DPP10: variants seen among roughly 807,000 people sequenced by gnomAD.
DPP10 encodes inactive dipeptidyl peptidase 10.
A neutral mutation model predicts 120.9 loss-of-function variants in DPP10; 33 were observed. That is an observed-to-expected ratio of 0.27 (90% CI 0.21 to 0.37). The LOEUF (loss-of-function observed/expected upper bound fraction) is 0.37, where lower values mean the gene tolerates loss of function less well. DPP10 is among the 10% of genes least tolerant of loss of function. The pLI is 1.00. For missense variants in DPP10, 816 were observed against 942.8 expected, an observed-to-expected ratio of 0.87 and a Z score of 1.76; for synonymous variants, 337 against 326.1, an observed-to-expected ratio of 1.03 and a Z score of -0.36.
At chr2:114,901,728 C>T (rs1693589222) in intron 1 of DPP10, among the ~76,000 whole-genome samples, 1 of 152,076 alleles carries the variant, frequency 6.6e-6, no homozygotes, top group Non-Finnish European at 1.5e-5. Context: ...ACGTTTGTGC[C>T]CAGATCAGCC....
intron 1 of DPP10, among the ~76,000 whole-genome samples, chr2:115,170,557 C>G (rs1260459156): frequency 1.3e-5 from 2 of 152,142 alleles, no homozygotes; most frequent in African/African-American, 4.8e-5. Flanking sequence ...ACCTCACTAG[C>G]TTTTAGGGAC....
intron 1 of DPP10, among the ~76,000 whole-genome samples, chr2:115,174,724 C>G (rs2053583759): frequency 6.6e-6 from 1 of 152,006 alleles, no homozygotes; most frequent in South Asian, 2.1e-4. Flanking sequence ...CTTAACATTC[C>G]CAAGCTCAGA....
At chr2:115,123,166 G>A (rs1377559894) in intron 1 of DPP10, among the ~76,000 whole-genome samples, 1 of 152,180 alleles carries the variant, frequency 6.6e-6, no homozygotes, top group Non-Finnish European at 1.5e-5. Flanking sequence ...GCAGAAGTAG[G>A]TTGAAGGCAG....
intron 1 of DPP10, among the ~76,000 whole-genome samples, chr2:115,199,171 TAACA>T (rs2055507510): frequency 6.6e-6 from 1 of 152,182 alleles, no homozygotes; most frequent in South Asian, 2.1e-4. Flanking sequence ...ATTAAATTTT[TAACA>T]AACTTCAAAT....
rs1688127505 is a variant in DPP10 at position 114,841,177 on chromosome 2, G to A, written c.60+398339G>A. On this transcript the variant is annotated intron_variant, in intron 1 of 25. Transcript: ENST00000410059. ...TAGTTGCACACCAAAAAGGGAAAAA[G>A]CAATCTTTTCAAAACTGTCGTATGA... 2.0e-5 allele frequency among the ~76,000 whole-genome samples: 3 copies of A among 152,092 alleles called. No individual in the cohort carries two copies. The South Asian group carries it at 6.2e-4, about 32-fold the overall frequency.
At chr2:115,512,994 T>C (rs2077312920) in intron 4 of DPP10, among the ~76,000 whole-genome samples, 2 of 152,098 alleles carry the variant, frequency 1.3e-5, no homozygotes, top group South Asian at 2.1e-4. Flanking sequence ...TCCAACTATT[T>C]ATTATTAAAT....
intron 1 of DPP10, among the ~76,000 whole-genome samples, chr2:115,308,252 G>A (rs1197511350): frequency 6.6e-6 from 1 of 151,920 alleles, no homozygotes; most frequent in Admixed American, 6.6e-5. Context: ...GCGGCTCTAC[G>A]GCTTCTGGTG....
chr2:114,952,739 T>C (rs551196296), intron 1 of DPP10, among the ~76,000 whole-genome samples: 1 of 152,130 alleles, frequency 6.6e-6, no homozygotes, highest in Non-Finnish European at 1.5e-5. Flanking sequence ...ACACAAGATA[T>C]ACTCTATCAG....
intron 1 of DPP10, among the ~76,000 whole-genome samples, chr2:115,019,053 C>T (rs1042289407): frequency 3.3e-4 from 50 of 151,856 alleles, no homozygotes; most frequent in Admixed American, 2.2e-3. Context: ...ACCCACCTGC[C>T]ACCCCTCCCC....
intron 1 of DPP10, among the ~76,000 whole-genome samples, chr2:114,713,555 C>T (rs911050780): frequency 5.9e-5 from 9 of 152,296 alleles, no homozygotes; most frequent in Non-Finnish European, 1.0e-4. Flanking sequence ...TACAAAAATA[C>T]TTTGAGCAGT....
At chr2:115,658,180 A>G (rs1283383431) in intron 5 of DPP10, among the ~76,000 whole-genome samples, 2 of 152,056 alleles carry the variant, frequency 1.3e-5, no homozygotes, top group South Asian at 2.1e-4. Flanking sequence ...CCTAAAGTCT[A>G]GTAAATGCAA....
intron 1 of DPP10, among the ~76,000 whole-genome samples, chr2:114,984,839 C>T (rs992763381): frequency 6.6e-5 from 10 of 152,090 alleles, no homozygotes; most frequent in African/African-American, 1.9e-4. Context: ...GACTCCTGCC[C>T]GCTATTCCAA....
chr2:115,574,150 C>A (rs2081516430), intron 5 of DPP10, among the ~76,000 whole-genome samples: 1 of 152,134 alleles, frequency 6.6e-6, no homozygotes, highest in Non-Finnish European at 1.5e-5. Flanking sequence ...TTCCCCATCT[C>A]CACCCTAGAC....
At chr2:115,775,873 T>C (rs1462679792) in intron 13 of DPP10, among the ~76,000 whole-genome samples, 1 of 152,160 alleles carries the variant, frequency 6.6e-6, no homozygotes, top group Non-Finnish European at 1.5e-5. Context: ...GATAATTAAC[T>C]GCATTTAAAT....
intron 1 of DPP10, among the ~76,000 whole-genome samples, chr2:114,459,137 T>G (rs1384822800): frequency 1.3e-5 from 2 of 152,166 alleles, no homozygotes; most frequent in Non-Finnish European, 2.9e-5. Flanking sequence ...GCTAAAGAAT[T>G]GTTTGCAGAA....
intron 5 of DPP10, among the ~76,000 whole-genome samples, chr2:115,583,678 T>A (rs1455897432): frequency 3.9e-5 from 6 of 152,224 alleles, no homozygotes; most frequent in Non-Finnish European, 8.8e-5. Context: ...TATATTCTAC[T>A]GATCAAATAG....
intron 1 of DPP10, among the ~76,000 whole-genome samples, chr2:114,749,440 A>G (rs1678972043): frequency 2.0e-5 from 3 of 152,070 alleles, no homozygotes; most frequent in African/African-American, 7.2e-5. Flanking sequence ...TTCTTGCCCA[A>G]TGACTGCCAG....
chr2:115,728,288 TAA>T (rs60549082), intron 8 of DPP10, among the ~76,000 whole-genome samples: 48,050 of 146,954 alleles, frequency 0.33, 8,560 homozygotes, highest in East Asian at 0.64. Flanking sequence ...CCTTTATTTC[TAA>T]AAAAAAAAAA....
intron 1 of DPP10, among the ~76,000 whole-genome samples, chr2:114,641,057 G>A (rs937569461): frequency 6.6e-6 from 1 of 151,900 alleles, no homozygotes; most frequent in African/African-American, 2.4e-5. Context: ...GCAAGCACCT[G>A]CTCCCTTTGA....
Sources: gnomAD v4.1 joint callset for allele counts (sites outside exome capture counted in the v4.1 genomes callset) on GRCh38, gnomAD v4.1.1 for gene constraint, MANE v1.5 for transcripts, NCBI Gene and HGNC (gene_info 2026-07-23, HGNC 2026-07-21) for gene names.